The following DDA1 variants were observed in gnomAD, a reference collection of about 807,000 sequenced individuals.
The protein encoded by DDA1 is DET1 and DDB1 associated 1, also known as DET1- and DDB1-associated protein 1.
A neutral mutation model predicts 18.6 loss-of-function variants in DDA1; 3 were observed. The observed-to-expected ratio is 0.16, with a 90% confidence interval of 0.07 to 0.42. The LOEUF (loss-of-function observed/expected upper bound fraction) is 0.42, where lower values mean the gene tolerates loss of function less well. Ranked by LOEUF, DDA1 falls within the 10% of genes least tolerant of loss-of-function variation. The pLI is 0.99. For missense variants in DDA1, 105 were observed against 138.2 expected, an observed-to-expected ratio of 0.76 and a Z score of 1.20; for synonymous variants, 52 against 54.0, an observed-to-expected ratio of 0.96 and a Z score of 0.17.
chr19:17,311,514 C>T (rs528032114), intron 1 of DDA1, among the ~76,000 whole-genome samples: 2 of 152,280 alleles, frequency 1.3e-5, no homozygotes, highest in African/African-American at 4.8e-5. Flanking sequence ...TAAAATGCTC[C>T]AGGAACCCTG....
At chr19:17,309,869 C>T (rs923353561) in intron 1 of DDA1, among the ~76,000 whole-genome samples, 2 of 152,152 alleles carry the variant, frequency 1.3e-5, no homozygotes, top group South Asian at 4.1e-4. Context: ...CGACCCCTGA[C>T]CCCATCCAGG....
At position 17,318,618 on chromosome 19, in the gene DDA1, C is replaced by T. The variant is rs954070793; in HGVS notation, c.199-928C>T. On this transcript the variant is annotated intron_variant, in intron 4 of 4. Transcript: ENST00000359866. Reference sequence around the variant, plus strand: ...CTGACTTGAAGTGATCCACCCACCTCGGCCTCCCAAAGTGCTGGGATTACA... The same window carrying T: ...CTGACTTGAAGTGATCCACCCACCTTGGCCTCCCAAAGTGCTGGGATTACA... Among the ~76,000 whole-genome samples the T allele has an allele frequency of 1.6e-4, 24 of 150,146 alleles. No individual in the cohort carries two copies. The East Asian group carries it at 2.9e-3, about 18-fold the overall frequency.
At chr19:17,315,359 T>TACACACGTGTATATAC (rs1480066219) in intron 3 of DDA1, among the ~76,000 whole-genome samples, 3 of 60,732 alleles carry the variant, frequency 4.9e-5, no homozygotes, top group Non-Finnish European at 1.2e-4. Context: ...GCTATATATA[T>TACACACGTGTATATAC]ACGCTATATA....
chr19:17,311,809 G>A (rs1023208195), intron 1 of DDA1, among the ~76,000 whole-genome samples: 1 of 152,152 alleles, frequency 6.6e-6, no homozygotes, highest in Non-Finnish European at 1.5e-5. Context: ...CAGGCTACCT[G>A]CAGTGGGACT....
Position 17,322,317 on chromosome 19 carries a change from G to T in DDA1, c.*2661G>T. ...GGGTCTGTCGGGACATGCCCCACCT[G>T]GCACACACACCCTGTGTAGCTCCCA... On this transcript the variant is annotated 3_prime_UTR_variant, in exon 5 of 5. Coordinates refer to ENST00000359866, the MANE Select transcript of DDA1 (RefSeq NM_024050.6). 1 of 153,878 alleles carries T rather than the reference G, an allele frequency of 6.5e-6. No individual in the cohort carries two copies. 9.5% of individuals were successfully genotyped at this position (153,878 alleles called of 1,614,324 possible).
Position 17,314,298 on chromosome 19 carries a change from A to T in DDA1, c.85-40A>T. On this transcript the variant is annotated intron_variant, in intron 2 of 4. Coordinates refer to ENST00000359866, the MANE Select transcript of DDA1 (RefSeq NM_024050.6). This position sits in a 1 kb window ranked among gnomAD's most constrained non-coding sequence, Gnocchi z 4.6. ...GGAGGGATGAGGAGACCCCAGGCCC[A>T]TGCACTCTCCTAACCCACCCCTTCT... 1 of 1,613,288 alleles carries T rather than the reference A, an allele frequency of 6.2e-7. No homozygotes were observed.
Position 17,319,955 on chromosome 19 carries a change from T to G in DDA1, c.*299T>G. Reference sequence around the variant, plus strand: ...CGACCCCCGCCTTCCATCGGGCCAGTTCCCCGATTCCTGCCCCCAGTTCTC... The same window carrying G: ...CGACCCCCGCCTTCCATCGGGCCAGGTCCCCGATTCCTGCCCCCAGTTCTC... On this transcript the variant is annotated 3_prime_UTR_variant, in exon 5 of 5. Transcript: ENST00000359866. 8 of 293,230 alleles carry G rather than the reference T, an allele frequency of 2.7e-5. No homozygotes were observed. The highest frequency in any genetic ancestry group is 8.8e-5 in the East Asian group (1 of 11,402). The allele number at this position is 293,230 out of a possible 1,614,324, so 18.2% of individuals were successfully genotyped here. A position where few individuals can be genotyped will look rare whatever the true frequency, so the allele number is the denominator to read the frequency against.
Position 17,314,558 on chromosome 19 carries a change from G to A in DDA1, c.136+169G>A. The A allele has an allele frequency of 2.4e-6, 2 of 841,928 alleles. No homozygotes were observed. The highest frequency in any genetic ancestry group is 4.8e-5 in the Admixed American group (2 of 41,352). The allele number at this position is 841,928 out of a possible 1,614,324, so 52.2% of individuals were successfully genotyped here. A position where few individuals can be genotyped will look rare whatever the true frequency, so the allele number is the denominator to read the frequency against. ...TTAAGTCAGGGAGGGCCTCCAGGGA[G>A]GTACAGGAGGGGGACCTTGGGGGCT... is the stretch of plus-strand genomic sequence containing the variant. On this transcript the variant is annotated intron_variant, in intron 3 of 4. Coordinates refer to ENST00000359866, the MANE Select transcript of DDA1 (RefSeq NM_024050.6). The surrounding 1 kb of genome is among the most constrained non-coding windows in gnomAD (Gnocchi z 4.6).
chr19:17,312,586 G>A (rs571640517), intron 1 of DDA1, among the ~76,000 whole-genome samples: 44 of 152,130 alleles, frequency 2.9e-4, no homozygotes, highest in Non-Finnish European at 4.0e-4. Flanking sequence ...GCATCCCTGC[G>A]TCTGGGCAGC....
rs1457736562 is a variant in DDA1, at chr19:17,315,180, C to T, written c.137-754C>T. ...ATATACACACGTGTATATACACACA[C>T]GTGTATACACACACGTGTATACACA... On this transcript the variant is annotated intron_variant, in intron 3 of 4. Transcript: ENST00000359866. 3.7e-4 allele frequency among the ~76,000 whole-genome samples: 14 copies of T among 37,478 alleles called. 5 individuals are homozygous for T. The highest frequency in any genetic ancestry group is 2.9e-3 in the African/African-American group (13 of 4,560). 24.6% of individuals were successfully genotyped at this position (37,478 alleles called of 152,430 possible). A position where few individuals can be genotyped will look rare whatever the true frequency, so the allele number is the denominator to read the frequency against.
In DDA1 at chr19:17,316,003, C is replaced by T. The variant is rs755627387; in HGVS notation, c.198+8C>T. 6.2e-7 allele frequency: 1 copy of T among 1,614,080 alleles called. No individual in the cohort carries two copies. Among genetic ancestry groups the T allele is most frequent in the Non-Finnish European group, 8.5e-7 (1 of 1,179,972 alleles). Reference sequence around the variant, plus strand: ...CAGCAATGGGACAAAAAGGTGAGGCCCACAGGGCTCTGGTGCAGGGATTGT... The same window carrying T: ...CAGCAATGGGACAAAAAGGTGAGGCTCACAGGGCTCTGGTGCAGGGATTGT... On this transcript the variant is annotated splice_region_variant and intron_variant, in intron 4 of 4. Coordinates refer to ENST00000359866, the MANE Select transcript of DDA1 (RefSeq NM_024050.6).
chr19:17,310,006 CTTCAG>C (rs891411855), intron 1 of DDA1, among the ~76,000 whole-genome samples: 1 of 152,184 alleles, frequency 6.6e-6, no homozygotes, highest in African/African-American at 2.4e-5. Context: ...ACCTGGATCT[CTTCAG>C]TTCAGGAGAA....
rs2074200813 is a variant in DDA1, at chr19:17,315,204, CACGTGTAT to C, written c.137-728_137-721del. Among the ~76,000 whole-genome samples, 2 of 29,826 alleles carry C rather than the reference CACGTGTAT, an allele frequency of 6.7e-5. 1 individual carries two copies. Among genetic ancestry groups the C allele is most frequent in the African/African-American group, 3.1e-4 (2 of 6,506 alleles). The allele number at this position is 29,826 out of a possible 152,430, so 19.6% of individuals were successfully genotyped here. On this transcript the variant is annotated intron_variant, in intron 3 of 4. Coordinates refer to ENST00000359866, the MANE Select transcript of DDA1 (RefSeq NM_024050.6). Reference sequence around the variant, plus strand: ...ACGTGTATACACACACGTGTATACACACGTGTATATACACACACGTGTATACACACACA... The same window carrying C: ...ACGTGTATACACACACGTGTATACACATACACACACGTGTATACACACACA...
intron 1 of DDA1, among the ~76,000 whole-genome samples, chr19:17,311,684 T>C (rs1169620774): frequency 6.6e-6 from 1 of 152,192 alleles, no homozygotes; most frequent in Non-Finnish European, 1.5e-5. Context: ...TGCTGCTCTT[T>C]CTGCTCGGAA....
At chr19:17,310,259 G>A (rs2074173032) in intron 1 of DDA1, 1 of 152,490 alleles carries the variant, frequency 6.6e-6, no homozygotes, top group South Asian at 2.0e-4. Context: ...TTAGGGTGGT[G>A]ACAATTTAGG....
chr19:17,318,729 G>T (rs1466190508), intron 4 of DDA1, among the ~76,000 whole-genome samples: 1 of 148,796 alleles, frequency 6.7e-6, no homozygotes, highest in African/African-American at 2.5e-5. Context: ...GCAGTGGCGT[G>T]ATCTCAGCTC....
intron 1 of DDA1, among the ~76,000 whole-genome samples, chr19:17,312,813 C>T (rs1052498286): frequency 6.6e-6 from 1 of 150,716 alleles, no homozygotes; most frequent in Non-Finnish European, 1.5e-5. Context: ...GCCCCAGAGC[C>T]GGGTGCTGAG....
At chr19:17,311,794 T>C (rs1379791723) in intron 1 of DDA1, among the ~76,000 whole-genome samples, 1 of 152,198 alleles carries the variant, frequency 6.6e-6, no homozygotes, top group Non-Finnish European at 1.5e-5. Flanking sequence ...TTGTTGGGTC[T>C]CTGGCAGGCT....
intron 1 of DDA1, 134 bp from the exon 2 acceptor site, chr19:17,313,889 T>C (rs2074190518): frequency 2.8e-6 from 2 of 711,722 alleles, no homozygotes; most frequent in East Asian, 2.6e-5. Context: ...AGCAGCCAGC[T>C]CAAGGGTGTG....
Sources: gnomAD v4.1 joint callset for allele counts (sites outside exome capture counted in the v4.1 genomes callset) on GRCh38, gnomAD v4.1.1 for gene constraint, Gnocchi (gnomAD v3.1) non-coding constraint, MANE v1.5 for transcripts, NCBI Gene and HGNC (gene_info 2026-07-23, HGNC 2026-07-21) for gene names.